Variants in MGARP observed in about 807,000 individuals in gnomAD.
MGARP encodes mitochondria localized glutamic acid rich protein, also known as protein MGARP.
Under a neutral mutation model 11.0 loss-of-function variants are expected in MGARP, and 12 were observed. The ratio of observed to expected loss-of-function variants is 1.09; its 90% confidence interval spans 0.70 to 1.77. MGARP has a LOEUF of 1.77. Among genes scored for constraint, MGARP ranks in the 40% most tolerant of loss-of-function variants. The probability of loss-of-function intolerance (pLI) is 0.00; values close to 1 mark genes in which losing one functional copy is unlikely to be tolerated. For synonymous variants in MGARP, 110 were observed against 115.4 expected (o/e 0.95, Z 0.30); for missense variants, 283 against 297.8 (o/e 0.95, Z 0.36).
intron 1 of MGARP, among the ~76,000 whole-genome samples, chr4:139,277,241 G>A (rs921947211): frequency 2.0e-5 from 3 of 152,208 alleles, no homozygotes; most frequent in Non-Finnish European, 4.4e-5. Flanking sequence ...GATTTGCACA[G>A]GGCGAATCTT....
At chr4:139,273,813 C>G (rs766771896) in intron 2 of MGARP, among the ~76,000 whole-genome samples, 16 of 152,070 alleles carry the variant, frequency 1.1e-4, no homozygotes, top group Non-Finnish European at 2.4e-4. Context: ...CATGACTGGC[C>G]TACTTTTATT....
Position 139,275,334 on chromosome 4 carries a change from A to C in MGARP, c.141T>G (p.Ile47Met), listed in dbSNP as rs769534733. ...CTGTGACGCCTACAACCAGATAATA[A>C]ATCATATTTGATCCAGATGATCCAG... ...RFPGSSGSNMIYYLVVGVTVS... is the reference protein window; with the variant it reads ...RFPGSSGSNMMYYLVVGVTVS... Residue 47 changes from isoleucine (I) to methionine (M), a missense_variant, in exon 2 of 4, where the codon ATT becomes ATG. By Grantham distance (10) the Ile-to-Met change is conservative. Coordinates refer to ENST00000398955, the MANE Select transcript of MGARP (RefSeq NM_032623.4). 6 of 1,613,978 alleles carry C rather than the reference A, an allele frequency of 3.7e-6. No homozygotes were observed.
Position 139,275,306 on chromosome 4 carries a change from T to G in MGARP, c.169A>C (p.Ser57Arg). The stretch of plus-strand genomic sequence containing the variant: ...TCACTTACATAATATCCACCAGCAC[T>G]GACTGTGACGCCTACAACCAGATAA... ...IYYLVVGVTV[S>R]AGGYYAYKTV... The change falls in exon 2 of 4, where the codon AGT (serine) becomes CGT (arginine). Residue 57 changes from serine to arginine, a missense_variant. By Grantham distance (110) the Ser-to-Arg change is moderately radical. Transcript: ENST00000398955. 6.2e-7 allele frequency: 1 copy of G among 1,613,828 alleles called. No individual in the cohort carries two copies. Among genetic ancestry groups the G allele is most frequent in the Non-Finnish European group, 8.5e-7 (1 of 1,179,756 alleles).
At chr4:139,278,014 G>A (rs1339226595) in intron 1 of MGARP, among the ~76,000 whole-genome samples, 1 of 152,088 alleles carries the variant, frequency 6.6e-6, no homozygotes, top group Non-Finnish European at 1.5e-5. Context: ...GATCACCTTA[G>A]GTTGGGAGTT....
In MGARP at chr4:139,280,221, A is replaced by G; in HGVS notation, c.-63T>C. The stretch of plus-strand genomic sequence containing the variant: ...AGGCGCAGGCTGCCCTTCCACAGAG[A>G]GGCTGAGAGCCTGGCAGCGCCCCGC... On this transcript the variant is annotated 5_prime_UTR_variant, in exon 1 of 4. Coordinates refer to ENST00000398955, the MANE Select transcript of MGARP (RefSeq NM_032623.4). The G allele has an allele frequency of 6.7e-7, 1 of 1,500,282 alleles. No individual in the cohort carries two copies. The allele number at this position is 1,500,282 out of a possible 1,614,324, so 92.9% of individuals were successfully genotyped here. A position where few individuals can be genotyped will look rare whatever the true frequency, so the allele number is the denominator to read the frequency against.
At position 139,266,324 on chromosome 4, in the gene MGARP, A is replaced by C. The variant is rs1317073158; in HGVS notation, c.*275T>G. The C allele has an allele frequency of 1.1e-4, 35 of 326,600 alleles. No homozygotes were observed. The East Asian group carries it at 1.8e-3, about 17-fold the overall frequency. 20.2% of individuals were successfully genotyped at this position (326,600 alleles called of 1,614,324 possible). Reference sequence around the variant, plus strand: ...AATTCAGAGATGACTGGGATAAAAGAAAAGTGTCTAGAAAAAAAAACCAAA... The same window carrying C: ...AATTCAGAGATGACTGGGATAAAAGCAAAGTGTCTAGAAAAAAAAACCAAA... On this transcript the variant is annotated 3_prime_UTR_variant, in exon 4 of 4. Transcript: ENST00000398955.
Position 139,275,532 on chromosome 4 carries a change from T to G in MGARP, c.83-140A>C, listed in dbSNP as rs1744853844. 4 of 628,208 alleles carry G rather than the reference T, an allele frequency of 6.4e-6. No individual in the cohort carries two copies. The Admixed American group carries it at 9.1e-5, about 14-fold the overall frequency. 38.9% of individuals were successfully genotyped at this position (628,208 alleles called of 1,614,324 possible). A position where few individuals can be genotyped will look rare whatever the true frequency, so the allele number is the denominator to read the frequency against. On this transcript the variant is annotated intron_variant, in intron 1 of 3. Coordinates refer to ENST00000398955, the MANE Select transcript of MGARP (RefSeq NM_032623.4). ...GTGATTTTAGCTTAAGGGAATACAG[T>G]ATTACGAGGCTGGGTAATAATTCCA...
At chr4:139,275,142 C>A in intron 2 of MGARP, 147 bp downstream of exon 2, 1 of 548,270 alleles carries the variant, frequency 1.8e-6, no homozygotes, top group Non-Finnish European at 3.2e-6. Context: ...ACCTATTTTT[C>A]AGATGTGTAT....
chr4:139,267,155 T>TCTAC, intron 3 of MGARP, 114 bp from the exon 4 acceptor site: 1 of 997,172 alleles, frequency 1.0e-6, no homozygotes, highest in Non-Finnish European at 1.5e-6. Context: ...TGTGTAACAG[T>TCTAC]CTTCAAGGTA....
rs546598101 is a variant in MGARP at position 139,268,414 on chromosome 4, C to G, written c.280+258G>C. On this transcript the variant is annotated intron_variant, in intron 3 of 3. Transcript: ENST00000398955. The stretch of plus-strand genomic sequence containing the variant: ...TGAGCAGGGGAAAATAATATTACCA[C>G]ACAAAGGAGTCAAAAGTCACTGGTC... 5.3e-5 allele frequency among the ~76,000 whole-genome samples: 8 copies of G among 152,300 alleles called. No individual in the cohort carries two copies. In the South Asian group the frequency reaches 8.3e-4, roughly 16 times the overall value.
At chr4:139,276,175 A>G (rs1454492323) in intron 1 of MGARP, among the ~76,000 whole-genome samples, 1 of 152,222 alleles carries the variant, frequency 6.6e-6, no homozygotes, top group African/African-American at 2.4e-5. Context: ...AAATAAAGAC[A>G]TAAACACATT....
intron 3 of MGARP, among the ~76,000 whole-genome samples, chr4:139,267,250 G>A (rs1193580612): frequency 1.3e-5 from 2 of 152,048 alleles, no homozygotes; most frequent in Non-Finnish European, 2.9e-5. Flanking sequence ...AGCAGGAGGG[G>A]GGTAAGTTGT....
At chr4:139,276,277 A>G (rs1370133579) in intron 1 of MGARP, among the ~76,000 whole-genome samples, 1 of 152,232 alleles carries the variant, frequency 6.6e-6, no homozygotes, top group Non-Finnish European at 1.5e-5. Context: ...AAGACAGATA[A>G]GGTCCCTAGT....
chr4:139,277,787 A>C (rs999692283), intron 1 of MGARP, among the ~76,000 whole-genome samples: 9 of 151,926 alleles, frequency 5.9e-5, no homozygotes, highest in Non-Finnish European at 1.2e-4. Flanking sequence ...GAATGAGGGG[A>C]AAAAAAAGGT....
rs999218641 is a variant in MGARP at position 139,271,324 on chromosome 4, G to A, written c.187-2559C>T. Among the ~76,000 whole-genome samples, 130 of 152,222 alleles carry A rather than the reference G, an allele frequency of 8.5e-4. 1 individual carries two copies. Among genetic ancestry groups the A allele is most frequent in the Admixed American group, 2.3e-3 (35 of 15,270 alleles). ...GTGGATCACCTGAGGTCAGGAGTTCGAGACCAGCCTGGCCAACATGGTGAA... is the reference window on the plus strand; with the variant it reads ...GTGGATCACCTGAGGTCAGGAGTTCAAGACCAGCCTGGCCAACATGGTGAA... On this transcript the variant is annotated intron_variant, in intron 2 of 3. Transcript: ENST00000398955.
In MGARP at chr4:139,266,417, A is replaced by T; in HGVS notation, c.*182T>A. 1 of 601,770 alleles carries T rather than the reference A, an allele frequency of 1.7e-6. No individual in the cohort carries two copies. The highest frequency in any genetic ancestry group is 2.1e-5 in the South Asian group (1 of 46,988). 37.3% of individuals were successfully genotyped at this position (601,770 alleles called of 1,614,324 possible). A position where few individuals can be genotyped will look rare whatever the true frequency, so the allele number is the denominator to read the frequency against. On this transcript the variant is annotated 3_prime_UTR_variant, in exon 4 of 4. Transcript: ENST00000398955. ...TCTCAGACAGTAGAAGAGTAGTAAG[A>T]AATGTACAATCTCAAGTCTCTCAGT...
In MGARP at chr4:139,276,358, A is replaced by G. The variant is rs555524598; in HGVS notation, c.83-966T>C. Among the ~76,000 whole-genome samples the G allele has an allele frequency of 1.5e-4, 23 of 152,320 alleles. No homozygotes were observed. In the South Asian group the frequency reaches 4.6e-3, roughly 30 times the overall value. ...ATTGTGATACAGTATGACAAATGTA[A>G]TAAGTGTTAAGCCAAGCTACAGGCA... On this transcript the variant is annotated intron_variant, in intron 1 of 3. Transcript: ENST00000398955.
At chr4:139,278,463 C>A (rs1744905573) in intron 1 of MGARP, among the ~76,000 whole-genome samples, 1 of 152,150 alleles carries the variant, frequency 6.6e-6, no homozygotes, top group East Asian at 1.9e-4. Context: ...CAGAGAAAGA[C>A]CAGTACCTTT....
rs530010575 is a variant in MGARP, at chr4:139,275,307, G to T, written c.168C>A (p.Val56=). 21 of 1,613,690 alleles carry T rather than the reference G, an allele frequency of 1.3e-5. No individual in the cohort carries two copies. The South Asian group carries it at 1.5e-4, about 12-fold the overall frequency. ...MIYYLVVGVT[V]SAGGYYAYKT... ...CACTTACATAATATCCACCAGCACT[G>T]ACTGTGACGCCTACAACCAGATAAT... is the stretch of plus-strand genomic sequence containing the variant. The change falls in exon 2 of 4, where the codon GTC becomes GTA. Residue 56 remains valine, a synonymous_variant. Coordinates refer to ENST00000398955, the MANE Select transcript of MGARP (RefSeq NM_032623.4).
Sources: allele counts gnomAD v4.1 joint callset (sites outside exome capture counted in the v4.1 genomes callset), GRCh38; gene constraint gnomAD v4.1.1; transcripts MANE v1.5; gene names NCBI Gene and HGNC (gene_info 2026-07-23, HGNC 2026-07-21).